The following DOCK8 variants were observed in gnomAD, a reference collection of about 807,000 sequenced individuals.
DOCK8 encodes dedicator of cytokinesis protein 8.
DOCK8 carries 141 observed loss-of-function variants against 245.6 expected under a neutral mutation model. The ratio of observed to expected loss-of-function variants is 0.57; its 90% CI spans 0.50 to 0.66. The LOEUF is 0.66. Among genes scored for constraint, DOCK8 ranks in the 30% least tolerant of loss-of-function variants. The pLI, the probability that DOCK8 is intolerant of heterozygous loss-of-function variation, is 0.00. For synonymous variants in DOCK8, 1,168 were observed against 970.2 expected, an observed-to-expected ratio of 1.20 and a Z score of -3.79; for missense variants, 2,965 against 2,603.4, an observed-to-expected ratio of 1.14 and a Z score of -3.02.
intron 1 of DOCK8, among the ~76,000 whole-genome samples, chr9:239,981 C>T (rs1156331805): frequency 6.6e-6 from 1 of 152,056 alleles, no homozygotes. Context: ...AACAGTACAC[C>T]ACTGAATAAA....
intron 15 of DOCK8, chr9:368,509 G>C: frequency 1.8e-6 from 1 of 571,412 alleles, no homozygotes; most frequent in South Asian, 2.1e-5. Flanking sequence ...TACACACTGT[G>C]TTATACACAC....
Position 446,265 on chromosome 9 carries a change from C to T in DOCK8, c.5581-105C>T, listed in dbSNP as rs1188519603. The T allele has an allele frequency of 3.2e-6, 3 of 939,176 alleles. No individual in the cohort carries two copies. The Admixed American group carries it at 5.1e-5, about 16-fold the overall frequency. 58.2% of individuals were successfully genotyped at this position (939,176 alleles called of 1,614,324 possible). On this transcript the variant is annotated intron_variant, in intron 43 of 47. Transcript: ENST00000432829. ...GCATCTGTAGCTTTTCTGCACTGGG[C>T]AGGGCGGTGCCGGCACGCCGTGTTC...
At chr9:211,368 G>A (rs2046617416), upstream of DOCK8, among the ~76,000 whole-genome samples, 1 of 152,014 alleles carries the variant, frequency 6.6e-6, no homozygotes, top group South Asian at 2.1e-4. Flanking sequence ...AGCTAGAAAA[G>A]GTCACGCTTG....
intron 15 of DOCK8, chr9:369,937 G>T (rs189329040): frequency 4.7e-6 from 2 of 423,668 alleles, no homozygotes; most frequent in Non-Finnish European, 8.9e-6. Context: ...GAGTAGCAGG[G>T]ACTATACGCA....
At chr9:398,832 G>A (rs1393119407) in intron 25 of DOCK8, among the ~76,000 whole-genome samples, 3 of 151,382 alleles carry the variant, frequency 2.0e-5, no homozygotes, top group African/African-American at 7.3e-5. Flanking sequence ...AAAGTTACCA[G>A]GATATAAAAA....
intron 1 of DOCK8, among the ~76,000 whole-genome samples, chr9:217,654 A>G (rs1053130633): frequency 1.3e-5 from 2 of 152,224 alleles, no homozygotes; most frequent in African/African-American, 4.8e-5. Flanking sequence ...AAAGGAGCAG[A>G]TTAATAAGGA....
chr9:216,537 C>CAAAAAAAACAAAAAAA (rs2046757031), intron 1 of DOCK8, among the ~76,000 whole-genome samples: 1 of 88,922 alleles, frequency 1.1e-5, no homozygotes, highest in African/African-American at 4.5e-5. Context: ...AAAAAACAGA[C>CAAAAAAAACAAAAAAA]AAAAAAAAAA....
At chr9:418,809 C>T (rs1268532122) in intron 30 of DOCK8, among the ~76,000 whole-genome samples, 1 of 152,048 alleles carries the variant, frequency 6.6e-6, no homozygotes, top group Non-Finnish European at 1.5e-5. Context: ...CAAAGGAGAT[C>T]AAACCAAGGC....
intron 14 of DOCK8, among the ~76,000 whole-genome samples, chr9:341,626 TAC>T (rs1037891059): frequency 6.6e-6 from 1 of 152,180 alleles, no homozygotes; most frequent in Non-Finnish European, 1.5e-5. Context: ...TACACACACT[TAC>T]ACACACATCT....
Position 464,948 on chromosome 9 carries a change from TG to T in DOCK8, c.*731del, listed in dbSNP as rs1269324214. The T allele has an allele frequency of 6.5e-6, 1 of 152,852 alleles. No homozygotes were observed. The highest frequency in any genetic ancestry group is 1.5e-5 in the Non-Finnish European group (1 of 68,518). 9.5% of individuals were successfully genotyped at this position (152,852 alleles called of 1,614,324 possible). A position where few individuals can be genotyped will look rare whatever the true frequency, so the allele number is the denominator to read the frequency against. ...ATCACAGATACTGCTTTCACTTAAA[TG>T]GAAACAATTCTCCGATAATGCTTTG... On this transcript the variant is annotated 3_prime_UTR_variant, in exon 48 of 48. Transcript: ENST00000432829.
rs531715985 is a variant in DOCK8, at chr9:235,603, G to A, written c.53+20574G>A. 5.3e-5 allele frequency among the ~76,000 whole-genome samples: 8 copies of A among 152,290 alleles called. No homozygotes were observed. In the East Asian group the frequency reaches 1.5e-3, roughly 29 times the overall value. The stretch of plus-strand genomic sequence containing the variant: ...TAATCAAACAACTAACTCGGCAATG[G>A]TGGGCACCCCTCCCCAAGCCTCGCT... On this transcript the variant is annotated intron_variant, in intron 1 of 47. Transcript: ENST00000432829.
chr9:325,691 C>T lies in DOCK8; in HGVS notation c.848C>T (p.Pro283Leu). The T allele has an allele frequency of 1.2e-6, 2 of 1,613,894 alleles. No homozygotes were observed. The highest frequency in any genetic ancestry group is 1.7e-6 in the Non-Finnish European group (2 of 1,179,920). Residue 283 changes from proline to leucine, a missense_variant, in exon 8 of 48, where the codon CCC becomes CTC. By Grantham distance (98) the Pro-to-Leu change is moderately conservative. Transcript: ENST00000432829. Reference sequence around the variant, plus strand: ...GGTAGGTTCGAGATTGAAATTGAGCCCCTGTTTGCCAGCATTGCCCTCTAC... The same window carrying T: ...GGTAGGTTCGAGATTGAAATTGAGCTCCTGTTTGCCAGCATTGCCCTCTAC... ...LTLKFEIEIE[P>L]LFASIALYDV...
intron 14 of DOCK8, among the ~76,000 whole-genome samples, chr9:351,720 C>G (rs972195222): frequency 6.6e-6 from 1 of 152,152 alleles, no homozygotes; most frequent in African/African-American, 2.4e-5. Flanking sequence ...AAGTTTGCCT[C>G]TTTATGTCCA....
intron 4 of DOCK8, among the ~76,000 whole-genome samples, chr9:290,372 G>T (rs1238305448): frequency 6.6e-6 from 1 of 152,040 alleles, no homozygotes; most frequent in African/African-American, 2.4e-5. Context: ...GCCCAGGGAA[G>T]CCAAAAGTTT....
At chr9:232,292 G>A (rs2047134835) in intron 1 of DOCK8, among the ~76,000 whole-genome samples, 1 of 152,140 alleles carries the variant, frequency 6.6e-6, no homozygotes, top group South Asian at 2.1e-4. Flanking sequence ...GCTGGATTCG[G>A]TTTGCCAGTA....
chr9:214,809 C>T (rs556230627), upstream of DOCK8: 2 of 1,592,716 alleles, frequency 1.3e-6, no homozygotes, highest in East Asian at 2.3e-5. Flanking sequence ...CTCGGACCCT[C>T]CCCCGGGGTG....
In DOCK8 at chr9:237,069, G is replaced by A. The variant is rs143937808; in HGVS notation, c.53+22040G>A. Among the ~76,000 whole-genome samples the A allele has an allele frequency of 1.8e-4, 27 of 152,320 alleles. 1 individual carries two copies. The East Asian group carries it at 5.2e-3, about 29-fold the overall frequency. On this transcript the variant is annotated intron_variant, in intron 1 of 47. Transcript: ENST00000432829. ...CTATGAAAAGGGAGCACAAGTCTTT[G>A]GGGGGACAGCTAGCCTTCTGTGCCA...
At position 332,382 on chromosome 9, in the gene DOCK8, T is replaced by G; in HGVS notation, c.1045-16T>G. 6.3e-7 allele frequency: 1 copy of G among 1,575,126 alleles called. No individual in the cohort carries two copies. The highest frequency in any genetic ancestry group is 8.7e-7 in the Non-Finnish European group (1 of 1,144,662). Reference sequence around the variant, plus strand: ...GTAATTTATGTGCCTTATTTTAATATTCTTTTTATTGGTAGATTGAAAAAG... The same window carrying G: ...GTAATTTATGTGCCTTATTTTAATAGTCTTTTTATTGGTAGATTGAAAAAG... On this transcript the variant is annotated splice_polypyrimidine_tract_variant and intron_variant, in intron 9 of 47. Coordinates refer to ENST00000432829, the MANE Select transcript of DOCK8 (RefSeq NM_203447.4).
intron 7 of DOCK8, among the ~76,000 whole-genome samples, chr9:323,183 C>T (rs1300132910): frequency 4.8e-5 from 7 of 144,816 alleles, no homozygotes; most frequent in African/African-American, 1.5e-4. Flanking sequence ...CTGGGCTTTT[C>T]GGTGGTAAAA....
Sources: gnomAD v4.1 joint callset for allele counts (sites outside exome capture counted in the v4.1 genomes callset) on GRCh38, gnomAD v4.1.1 for gene constraint, MANE v1.5 for transcripts, NCBI Gene and HGNC (gene_info 2026-07-23, HGNC 2026-07-21) for gene names.